The following RNF19B variants were observed in gnomAD, a reference collection of about 807,000 sequenced individuals.
RNF19B encodes ring finger protein 19B.
A neutral mutation model predicts 65.5 loss-of-function variants in RNF19B; 23 were observed. The observed-to-expected ratio is 0.35, with a 90% CI of 0.25 to 0.50. The LOEUF is 0.50. RNF19B is among the 20% of genes least tolerant of loss of function. RNF19B has a pLI of 0.98. For missense variants in RNF19B, 794 were observed against 980.0 expected, an observed-to-expected ratio of 0.81 and a Z score of 2.53; for synonymous variants, 372 against 379.6, an observed-to-expected ratio of 0.98 and a Z score of 0.23.
At chr1:32,949,968 A>G (rs1642452989) in intron 1 of RNF19B, among the ~76,000 whole-genome samples, 194 bp from the exon 2 acceptor site, 1 of 150,574 alleles carries the variant, frequency 6.6e-6, no homozygotes, top group African/African-American at 2.4e-5. Context: ...GTGAGAAAGT[A>G]AACTTTTTTT....
intron 1 of RNF19B, among the ~76,000 whole-genome samples, chr1:32,952,435 A>T (rs1642526118): frequency 1.1e-5 from 1 of 91,412 alleles, no homozygotes; most frequent in African/African-American, 3.4e-5. Flanking sequence ...CTCTTAAAAA[A>T]AAAAAAAAAA....
At chr1:32,960,329 G>A (rs1325602810) in intron 1 of RNF19B, among the ~76,000 whole-genome samples, 10 of 152,166 alleles carry the variant, frequency 6.6e-5, no homozygotes. Context: ...GGGGAGACCT[G>A]ATCAATTTGG....
rs556790327 is a variant in RNF19B, at chr1:32,952,256, T to C, written c.636-2482A>G. On this transcript the variant is annotated intron_variant, in intron 1 of 8. Transcript: ENST00000235150. ...TTCTGATTAATTCCAAATATGTCAA[T>C]TAAGCGCTCAGATTACTCTAACAAG... is the stretch of plus-strand genomic sequence containing the variant. Among the ~76,000 whole-genome samples, 138 of 152,004 alleles carry C rather than the reference T, an allele frequency of 9.1e-4. 1 individual carries two copies. The highest frequency in any genetic ancestry group is 3.1e-3 in the African/African-American group (129 of 41,468).
chr1:32,962,959 GTC>G (rs879484351), intron 1 of RNF19B, among the ~76,000 whole-genome samples: 6 of 152,188 alleles, frequency 3.9e-5, no homozygotes, highest in African/African-American at 7.2e-5. Context: ...GGTGTATTAT[GTC>G]TCTGCAGATA....
rs80011632 is a variant in RNF19B, at chr1:32,948,093, T to G, written c.983+129A>C. On this transcript the variant is annotated intron_variant, in intron 3 of 8. Coordinates refer to ENST00000235150, the MANE Select transcript of RNF19B (RefSeq NM_001300826.2). ...TGGTGAAAACATGATTAGAGGAGCATGTCAGAAGAAGTTTTCACAGCTTCC... is the reference window on the plus strand; with the variant it reads ...TGGTGAAAACATGATTAGAGGAGCAGGTCAGAAGAAGTTTTCACAGCTTCC... 1.0e-3 allele frequency: 878 copies of G among 839,682 alleles called. 15 individuals carry two copies. The East Asian group carries it at 0.02, about 19-fold the overall frequency. The allele number at this position is 839,682 out of a possible 1,614,324, so 52.0% of individuals were successfully genotyped here. A position where few individuals can be genotyped will look rare whatever the true frequency, so the allele number is the denominator to read the frequency against.
chr1:32,947,316 T>C (rs1356072240), intron 3 of RNF19B, among the ~76,000 whole-genome samples: 1 of 152,260 alleles, frequency 6.6e-6, no homozygotes, highest in Non-Finnish European at 1.5e-5. Context: ...TTTGTAAATA[T>C]TAGCAAACAT....
chr1:32,946,211 A>G (rs1186018695), intron 4 of RNF19B, among the ~76,000 whole-genome samples, 191 bp downstream of exon 4: 1 of 152,210 alleles, frequency 6.6e-6, no homozygotes, highest in Non-Finnish European at 1.5e-5. Flanking sequence ...AGCCAGGCCC[A>G]GGATGTTAAT....
At chr1:32,940,032 T>C (rs997490310) in intron 7 of RNF19B, among the ~76,000 whole-genome samples, 9 of 152,216 alleles carry the variant, frequency 5.9e-5, no homozygotes, top group Non-Finnish European at 8.8e-5. Flanking sequence ...GCTTCCATCC[T>C]ACTGCCTGAG....
Position 32,949,750 on chromosome 1 carries a change from A to G in RNF19B, c.660T>C (p.Cys220=). ...DCGYAVIAYG[C]ASCPKLTCER... ...CACAAGTTAGCTTCGGGCAGCTGGC[A>G]CAGCCATAGGCAATAACAGCATAAC... is the stretch of plus-strand genomic sequence containing the variant. The change falls in exon 2 of 9, where the codon TGT becomes TGC. Residue 220 remains cysteine, a synonymous_variant. Transcript: ENST00000235150. 6.2e-7 allele frequency: 1 copy of G among 1,613,696 alleles called. No homozygotes were observed. The highest frequency in any genetic ancestry group is 2.2e-5 in the East Asian group (1 of 44,864).
intron 1 of RNF19B, among the ~76,000 whole-genome samples, chr1:32,954,915 T>C (rs1642599227): frequency 6.6e-6 from 1 of 152,116 alleles, no homozygotes; most frequent in South Asian, 2.1e-4. Context: ...GGCTTTTACA[T>C]ACTCTATTCC....
chr1:32,945,035 G>T (rs1045155001), intron 5 of RNF19B, among the ~76,000 whole-genome samples: 2 of 152,144 alleles, frequency 1.3e-5, no homozygotes, highest in Non-Finnish European at 2.9e-5. Flanking sequence ...TGTAAGGATT[G>T]TGAGGATTAA....
At chr1:32,954,849 A>T (rs1243461329) in intron 1 of RNF19B, among the ~76,000 whole-genome samples, 1 of 152,014 alleles carries the variant, frequency 6.6e-6, no homozygotes, top group Non-Finnish European at 1.5e-5. Flanking sequence ...TGCATGTGAG[A>T]CCTTGTCCTC....
chr1:32,939,932 A>C (rs777873665), intron 7 of RNF19B, among the ~76,000 whole-genome samples: 3 of 152,204 alleles, frequency 2.0e-5, no homozygotes, highest in Non-Finnish European at 4.4e-5. Flanking sequence ...ATATGCCAGC[A>C]TGTGGGGGCG....
At chr1:32,945,877 T>A (rs1034472782) in intron 4 of RNF19B, among the ~76,000 whole-genome samples, 1 of 144,398 alleles carries the variant, frequency 6.9e-6, no homozygotes, top group Non-Finnish European at 1.6e-5. Context: ...ACCTTCTTCT[T>A]TTATTTTTTT....
At chr1:32,933,254 A>AT (rs1570066797), downstream of RNF19B, among the ~76,000 whole-genome samples, 3 of 137,066 alleles carry the variant, frequency 2.2e-5, no homozygotes, top group Admixed American at 2.4e-4. Flanking sequence ...AGCTATTATT[A>AT]TTATTTTTTT....
chr1:32,952,448 A>C (rs1380922406), intron 1 of RNF19B, among the ~76,000 whole-genome samples: 47 of 148,424 alleles, frequency 3.2e-4, no homozygotes, highest in East Asian at 7.8e-4. Context: ...AAAAAAAAAA[A>C]AAAAAAAAAA....
At chr1:32,933,477 G>A (rs1015991460), downstream of RNF19B, among the ~76,000 whole-genome samples, 2 of 151,940 alleles carry the variant, frequency 1.3e-5, no homozygotes, top group African/African-American at 2.4e-5. Flanking sequence ...GGATGGTCTC[G>A]ATCTCCCGAC....
At chr1:32,945,784 A>G (rs941303268) in intron 4 of RNF19B, among the ~76,000 whole-genome samples, 156 bp from the exon 5 acceptor site, 2 of 152,258 alleles carry the variant, frequency 1.3e-5, no homozygotes, top group African/African-American at 4.8e-5. Flanking sequence ...AACCTAACTC[A>G]GACCTGGAAG....
chr1:32,944,029 A>G lies in RNF19B; in HGVS notation c.1392T>C (p.Gly464=). The stretch of plus-strand genomic sequence containing the variant: ...CATCCTGCTTTTTACCTGTGATTGG[A>G]CCATCATCTTCATCAAATTCAATTT... The part of the protein sequence containing the change: ...GVKIEFDEDD[G]PITVADAWRA... The change falls in exon 6 of 9, where the codon GGT becomes GGC. Residue 464 remains glycine, a synonymous_variant. Transcript: ENST00000235150. 6.2e-7 allele frequency: 1 copy of G among 1,609,304 alleles called. No individual in the cohort carries two copies. The highest frequency in any genetic ancestry group is 8.5e-7 in the Non-Finnish European group (1 of 1,176,676).
Sources: gnomAD v4.1 joint callset for allele counts (sites outside exome capture counted in the v4.1 genomes callset) on GRCh38, gnomAD v4.1.1 for gene constraint, MANE v1.5 for transcripts, NCBI Gene and HGNC (gene_info 2026-07-23, HGNC 2026-07-21) for gene names.